VRK2: variants seen among roughly 807,000 people sequenced by gnomAD.
The protein encoded by VRK2 is serine/threonine-protein kinase VRK2.
A neutral mutation model predicts 57.6 loss-of-function variants in VRK2; 60 were observed. The observed-to-expected ratio is 1.04, with a 90% CI of 0.85 to 1.29. VRK2 has a LOEUF of 1.29. Among genes scored for constraint, VRK2 ranks in the 50% most tolerant of loss-of-function variants. The pLI is 0.00. For synonymous variants in VRK2, 231 were observed against 199.2 expected (o/e 1.16, Z -1.35); for missense variants, 705 against 588.1 (o/e 1.20, Z -2.06).
intron 7 of VRK2, among the ~76,000 whole-genome samples, chr2:58,105,514 A>G (rs533555457): frequency 4.1e-4 from 63 of 152,088 alleles, no homozygotes; most frequent in Non-Finnish European, 7.2e-4. Flanking sequence ...TATGCCAGTC[A>G]GAGTAGCTAT....
intron 1 of VRK2, among the ~76,000 whole-genome samples, chr2:57,911,478 AC>A (rs1054874722): frequency 6.6e-6 from 1 of 152,158 alleles, no homozygotes; most frequent in African/African-American, 2.4e-5. Flanking sequence ...GCTCTGACCA[AC>A]CCACACCCAT....
chr2:58,125,016 AT>A (rs1244005079), intron 8 of VRK2, among the ~76,000 whole-genome samples: 1 of 152,150 alleles, frequency 6.6e-6, no homozygotes, highest in Non-Finnish European at 1.5e-5. Flanking sequence ...AGAATTAAAT[AT>A]TTTATTCTGT....
chr2:57,937,778 A>G (rs181195382), intron 1 of VRK2, among the ~76,000 whole-genome samples: 1 of 149,838 alleles, frequency 6.7e-6, no homozygotes, highest in East Asian at 2.0e-4. Flanking sequence ...GCTCTTAACA[A>G]TCTCTTCTGG....
chr2:58,075,623 C>T lies in VRK2; in HGVS notation c.137-8466C>T, dbSNP rs371514912. On this transcript the variant is annotated intron_variant, in intron 2 of 12. Coordinates refer to ENST00000340157, the MANE Select transcript of VRK2 (RefSeq NM_006296.7). ...ATCTTGTGTTTTTGATTTGGATTTA[C>T]CTAATGATAAGTATAAACCTATTTT... Among the ~76,000 whole-genome samples the T allele has an allele frequency of 2.0e-5, 3 of 152,126 alleles. No homozygotes were observed. The East Asian group carries it at 5.8e-4, about 29-fold the overall frequency.
chr2:58,132,545 A>G (rs17183100), intron 9 of VRK2, among the ~76,000 whole-genome samples: 12,190 of 152,256 alleles, frequency 0.08, 517 homozygotes, highest in South Asian at 0.14. Context: ...CTGTTTTACA[A>G]TTCTCTCACT....
chr2:58,127,381 G>A (rs1452563797), intron 8 of VRK2, among the ~76,000 whole-genome samples: 2 of 152,036 alleles, frequency 1.3e-5, no homozygotes, highest in African/African-American at 4.8e-5. Context: ...AGATACATTT[G>A]CTCTATTGAA....
Position 57,947,348 on chromosome 2 carries a change from TA to T in VRK2, c.-439+39510del, listed in dbSNP as rs1196417596. On this transcript the variant is annotated intron_variant, in intron 1 of 15. Transcript: ENST00000417641. ...ATGTAATATGTTGTTGGGCACCAAA[TA>T]TTTTTTTAAATTTACACATGCACAT... Among the ~76,000 whole-genome samples, 5 of 152,302 alleles carry T rather than the reference TA, an allele frequency of 3.3e-5. No individual in the cohort carries two copies. The South Asian group carries it at 8.3e-4, about 25-fold the overall frequency.
chr2:58,068,838 C>T (rs1285496473), intron 2 of VRK2, among the ~76,000 whole-genome samples: 2 of 147,928 alleles, frequency 1.4e-5, no homozygotes, highest in East Asian at 2.0e-4. Context: ...AACAAAAACT[C>T]GGTTATGTAT....
At chr2:58,102,739 G>C (rs1363185486) in intron 7 of VRK2, among the ~76,000 whole-genome samples, 1 of 151,342 alleles carries the variant, frequency 6.6e-6, no homozygotes, top group Non-Finnish European at 1.5e-5. Context: ...TTGAACATTA[G>C]ATCAAAAGGA....
intron 1 of VRK2, among the ~76,000 whole-genome samples, chr2:57,939,257 T>G (rs546472164): frequency 6.6e-6 from 1 of 152,218 alleles, no homozygotes; most frequent in Non-Finnish European, 1.5e-5. Flanking sequence ...TTTCCATTAG[T>G]GATTTCCAGA....
intron 2 of VRK2, among the ~76,000 whole-genome samples, chr2:58,076,355 C>CA (rs1320449322): frequency 2.0e-5 from 3 of 151,920 alleles, no homozygotes; most frequent in African/African-American, 7.2e-5. Flanking sequence ...TACAATTGGG[C>CA]AAAATCATCT....
intron 7 of VRK2, among the ~76,000 whole-genome samples, chr2:58,092,545 A>C (rs147744087): frequency 0.012 from 1,786 of 152,248 alleles, 27 homozygotes; most frequent in African/African-American, 0.038. Context: ...TAGGAGTGGA[A>C]TTTCTGGGTC....
chr2:57,938,214 C>G (rs1325167700), intron 1 of VRK2, among the ~76,000 whole-genome samples: 7 of 152,158 alleles, frequency 4.6e-5, no homozygotes, highest in Non-Finnish European at 8.8e-5. Context: ...TTATCTTTCT[C>G]TAGACCCTAG....
At chr2:57,970,243 T>TA (rs1297799108) in intron 1 of VRK2, among the ~76,000 whole-genome samples, 2 of 149,966 alleles carry the variant, frequency 1.3e-5, no homozygotes, top group Admixed American at 6.7e-5. Context: ...CACATTCCAC[T>TA]AAAAAAAGTT....
At chr2:58,139,993 C>A (rs1248566355) in intron 11 of VRK2, among the ~76,000 whole-genome samples, 161 bp downstream of exon 11, 1 of 152,020 alleles carries the variant, frequency 6.6e-6, no homozygotes, top group Admixed American at 6.6e-5. Context: ...GTTCCAAGTT[C>A]TTTTGACCTG....
At chr2:58,077,659 C>T (rs1028619353) in intron 2 of VRK2, among the ~76,000 whole-genome samples, 3 of 152,042 alleles carry the variant, frequency 2.0e-5, no homozygotes, top group African/African-American at 4.8e-5. Context: ...TGGGAGACTT[C>T]TCACTTCATC....
chr2:57,982,779 C>A (rs1318909227), intron 1 of VRK2, among the ~76,000 whole-genome samples: 1 of 152,218 alleles, frequency 6.6e-6, no homozygotes, highest in Non-Finnish European at 1.5e-5. Flanking sequence ...CCAGTAAAGG[C>A]TACAGCCACC....
intron 1 of VRK2, among the ~76,000 whole-genome samples, chr2:57,928,081 G>A (rs562592364): frequency 6.6e-6 from 1 of 152,166 alleles, no homozygotes; most frequent in South Asian, 2.1e-4. Context: ...CTCTAGGCTT[G>A]GGAAGTTCTC....
intron 2 of VRK2, among the ~76,000 whole-genome samples, chr2:58,081,739 C>T (rs2104113328): frequency 6.6e-6 from 1 of 151,684 alleles, no homozygotes; most frequent in Admixed American, 6.6e-5. Context: ...CTACCGTATT[C>T]TAGATTGCAG....
Sources: gnomAD v4.1 joint callset for allele counts (sites outside exome capture counted in the v4.1 genomes callset) on GRCh38, gnomAD v4.1.1 for gene constraint, MANE v1.5 for transcripts, NCBI Gene and HGNC (gene_info 2026-07-23, HGNC 2026-07-21) for gene names.